The following SEC22C variants were observed in gnomAD, a reference collection of about 807,000 sequenced individuals.
SEC22C encodes SEC22 homolog C, vesicle trafficking protein, also known as vesicle-trafficking protein SEC22c.
A neutral mutation model predicts 34.7 loss-of-function variants in SEC22C; 29 were observed. The observed-to-expected ratio is 0.84, with a 90% CI of 0.62 to 1.14. The LOEUF is 1.14. Ranked by LOEUF, SEC22C falls within the 50% of genes most tolerant of loss-of-function variation. The pLI, the probability that SEC22C is intolerant of heterozygous loss-of-function variation, is 0.00. For synonymous variants in SEC22C, 117 were observed against 132.8 expected, an observed-to-expected ratio of 0.88 and a Z score of 0.82; for missense variants, 337 against 369.0, an observed-to-expected ratio of 0.91 and a Z score of 0.71.
At position 42,551,607 on chromosome 3, in the gene SEC22C, G is replaced by C; in HGVS notation, c.*1641C>G. On this transcript the variant is annotated 3_prime_UTR_variant, in exon 7 of 7. Coordinates refer to ENST00000264454, the MANE Select transcript of SEC22C (RefSeq NM_032970.4). ...CCTGCTTTGGCCTTCCAAAGTGCTGGGAATACAGGCATGAGCCATCATGCC... is the reference window on the plus strand; with the variant it reads ...CCTGCTTTGGCCTTCCAAAGTGCTGCGAATACAGGCATGAGCCATCATGCC... 1.2e-6 allele frequency: 1 copy of C among 842,812 alleles called. No homozygotes were observed. The allele number at this position is 842,812 out of a possible 1,614,324, so 52.2% of individuals were successfully genotyped here.
At chr3:42,582,514 G>A (rs1704451726), upstream of SEC22C, among the ~76,000 whole-genome samples, 1 of 152,254 alleles carries the variant, frequency 6.6e-6, no homozygotes, top group Admixed American at 6.5e-5. Context: ...GATTAGGTAG[G>A]TAGCAGAGTC....
At chr3:42,556,675 A>G (rs571852966) in intron 5 of SEC22C, among the ~76,000 whole-genome samples, 82 of 152,286 alleles carry the variant, frequency 5.4e-4, no homozygotes, top group African/African-American at 1.8e-3. Context: ...TTTAAAAGTA[A>G]TATCTATTTG....
At chr3:42,599,299 T>G (rs897113916) in intron 1 of SEC22C, among the ~76,000 whole-genome samples, 1 of 151,272 alleles carries the variant, frequency 6.6e-6, no homozygotes, top group Admixed American at 6.6e-5. Context: ...AAAAAAAAAC[T>G]TATAAAATAG....
At chr3:42,554,797 T>C (rs572245485) in intron 6 of SEC22C, among the ~76,000 whole-genome samples, 159 of 152,266 alleles carry the variant, frequency 1.0e-3, no homozygotes, top group South Asian at 2.3e-3. Context: ...GAAGGAGAAT[T>C]AGAGCCACGC....
Position 42,550,299 on chromosome 3 carries a change from AT to A in SEC22C, c.*2948del. On this transcript the variant is annotated 3_prime_UTR_variant, in exon 7 of 7. Coordinates refer to ENST00000264454, the MANE Select transcript of SEC22C (RefSeq NM_032970.4). Reference sequence around the variant, plus strand: ...CAGTGATGTCAGCTGCACAGGTAGCATTTAACTACTGGGAAAACAAAAGTGC... The same window carrying A: ...CAGTGATGTCAGCTGCACAGGTAGCATTAACTACTGGGAAAACAAAAGTGC... 1.0e-6 allele frequency: 1 copy of A among 985,452 alleles called. No homozygotes were observed. Among genetic ancestry groups the A allele is most frequent in the Admixed American group, 6.1e-5 (1 of 16,288 alleles). 61.0% of individuals were successfully genotyped at this position (985,452 alleles called of 1,614,324 possible). A position where few individuals can be genotyped will look rare whatever the true frequency, so the allele number is the denominator to read the frequency against.
upstream of SEC22C, among the ~76,000 whole-genome samples, chr3:42,586,704 T>C (rs959883177): frequency 1.3e-5 from 2 of 152,170 alleles, no homozygotes; most frequent in Admixed American, 1.3e-4. Context: ...AGAGAAACTA[T>C]CACATTCTCC....
chr3:42,560,489 T>C (rs961458078), intron 4 of SEC22C, among the ~76,000 whole-genome samples: 5 of 148,630 alleles, frequency 3.4e-5, no homozygotes, highest in Non-Finnish European at 7.4e-5. Flanking sequence ...GCCTGGGCTG[T>C]AACATGGTGA....
chr3:42,597,023 T>A (rs1705050342), intron 1 of SEC22C, among the ~76,000 whole-genome samples: 1 of 152,226 alleles, frequency 6.6e-6, no homozygotes, highest in Non-Finnish European at 1.5e-5. Context: ...AATCCATGTA[T>A]GAAAGTTAGC....
intron 2 of SEC22C, among the ~76,000 whole-genome samples, chr3:42,567,341 CT>C (rs1182727283): frequency 1.3e-5 from 2 of 152,242 alleles, no homozygotes; most frequent in Non-Finnish European, 2.9e-5. Context: ...TGCCTTGCCC[CT>C]GATGCCTCCA....
chr3:42,563,932 T>G lies in SEC22C; in HGVS notation c.183-246A>C, dbSNP rs552397357. ...GTGATCACTCTTATTTATTCATGCATGAGGGATGCATATTCTATTGGGGGA... is the reference window on the plus strand; with the variant it reads ...GTGATCACTCTTATTTATTCATGCAGGAGGGATGCATATTCTATTGGGGGA... On this transcript the variant is annotated intron_variant, in intron 2 of 6. Coordinates refer to ENST00000264454, the MANE Select transcript of SEC22C (RefSeq NM_032970.4). The G allele has an allele frequency of 1.6e-5, 22 of 1,385,508 alleles. No individual in the cohort carries two copies. In the African/African-American group the frequency reaches 3.2e-4, roughly 20 times the overall value. The allele number at this position is 1,385,508 out of a possible 1,614,324, so 85.8% of individuals were successfully genotyped here.
chr3:42,567,510 C>A (rs1703326044), intron 2 of SEC22C, among the ~76,000 whole-genome samples: 1 of 152,158 alleles, frequency 6.6e-6, no homozygotes, highest in African/African-American at 2.4e-5. Flanking sequence ...GTTTCCTCCT[C>A]TGCAAAACAG....
At chr3:42,577,931 T>C (rs764708309) in intron 1 of SEC22C, among the ~76,000 whole-genome samples, 3 of 151,990 alleles carry the variant, frequency 2.0e-5, no homozygotes, top group African/African-American at 4.8e-5. Flanking sequence ...GACTGCACCA[T>C]TGCACTCCAG....
At chr3:42,576,043 A>G (rs1342543233) in intron 1 of SEC22C, among the ~76,000 whole-genome samples, 1 of 152,246 alleles carries the variant, frequency 6.6e-6, no homozygotes, top group African/African-American at 2.4e-5. Flanking sequence ...CAAATTATAA[A>G]TTAATAACAG....
intron 1 of SEC22C, among the ~76,000 whole-genome samples, chr3:42,574,015 G>A (rs914668861): frequency 2.2e-4 from 33 of 152,084 alleles, no homozygotes; most frequent in African/African-American, 7.7e-4. Flanking sequence ...ACAAATCCCA[G>A]AAAGGATAAA....
At position 42,548,912 on chromosome 3, in the gene SEC22C, T is replaced by C; in HGVS notation, c.*4336A>G. The C allele has an allele frequency of 2.3e-6, 3 of 1,301,622 alleles. No homozygotes were observed. In the Admixed American group the frequency reaches 9.6e-5, roughly 42 times the overall value. 80.6% of individuals were successfully genotyped at this position (1,301,622 alleles called of 1,614,324 possible). A position where few individuals can be genotyped will look rare whatever the true frequency, so the allele number is the denominator to read the frequency against. On this transcript the variant is annotated 3_prime_UTR_variant, in exon 7 of 7. Coordinates refer to ENST00000264454, the MANE Select transcript of SEC22C (RefSeq NM_032970.4). Reference sequence around the variant, plus strand: ...CACACACAATGGACTCACCCAGTATTACCCTCCACTACCACTTTTGACCCT... The same window carrying C: ...CACACACAATGGACTCACCCAGTATCACCCTCCACTACCACTTTTGACCCT...
chr3:42,552,709 T>G lies in SEC22C; in HGVS notation c.*539A>C. The stretch of plus-strand genomic sequence containing the variant: ...TATAATTAAATATTCCAAAGGTATA[T>G]CGAACCTAAGATATTGAAAAAATGT... On this transcript the variant is annotated 3_prime_UTR_variant, in exon 7 of 7. Coordinates refer to ENST00000264454, the MANE Select transcript of SEC22C (RefSeq NM_032970.4). 5 of 980,356 alleles carry G rather than the reference T, an allele frequency of 5.1e-6. No homozygotes were observed. Among genetic ancestry groups the G allele is most frequent in the Non-Finnish European group, 6.1e-6 (5 of 825,370 alleles). The allele number at this position is 980,356 out of a possible 1,614,324, so 60.7% of individuals were successfully genotyped here.
At chr3:42,585,046 T>C (rs1404335707), upstream of SEC22C, among the ~76,000 whole-genome samples, 3 of 152,102 alleles carry the variant, frequency 2.0e-5, no homozygotes, top group African/African-American at 7.2e-5. Flanking sequence ...GGAGAATCAC[T>C]TGAACCTGGG....
intron 1 of SEC22C, among the ~76,000 whole-genome samples, chr3:42,574,243 T>G (rs964981413): frequency 6.6e-6 from 1 of 151,758 alleles, no homozygotes; most frequent in African/African-American, 2.4e-5. Context: ...CAGAATCCTG[T>G]ATTCAGCAAA....
chr3:42,558,949 T>C (rs1028239747), intron 4 of SEC22C, among the ~76,000 whole-genome samples: 1 of 152,250 alleles, frequency 6.6e-6, no homozygotes, highest in African/African-American at 2.4e-5. Flanking sequence ...CAATATGCGA[T>C]GTCACGTGCA....
Sources: gnomAD v4.1 joint callset for allele counts (sites outside exome capture counted in the v4.1 genomes callset) on GRCh38, gnomAD v4.1.1 for gene constraint, MANE v1.5 for transcripts, NCBI Gene and HGNC (gene_info 2026-07-23, HGNC 2026-07-21) for gene names.